Variants in TTLL11 observed in about 807,000 individuals in gnomAD.
TTLL11 encodes the protein tubulin tyrosine ligase like 11.
Under a neutral mutation model 51.7 loss-of-function variants are expected in TTLL11, and 42 were observed. The observed-to-expected ratio is 0.81, with a 90% CI of 0.64 to 1.05. The LOEUF is 1.05. Ranked by LOEUF, TTLL11 falls within the 50% of genes least tolerant of loss-of-function variation. The pLI, the probability that TTLL11 is intolerant of heterozygous loss-of-function variation, is 0.00. For missense variants in TTLL11, 799 were observed against 940.4 expected (o/e 0.85, Z 1.97); for synonymous variants, 381 against 383.5 (o/e 0.99, Z 0.08).
chr9:122,050,544 C>T (rs1845130866), intron 1 of TTLL11, among the ~76,000 whole-genome samples: 1 of 152,132 alleles, frequency 6.6e-6, no homozygotes. Context: ...TTTCTATCCT[C>T]TCCCCTACCT....
intron 8 of TTLL11, among the ~76,000 whole-genome samples, chr9:121,858,000 TCACAGAGCAAA>T (rs1286859473): frequency 3.3e-5 from 5 of 152,156 alleles, no homozygotes; most frequent in African/African-American, 1.2e-4. Context: ...CACATTCAGC[TCACAGAGCAAA>T]CACTTCTTTG....
Position 121,870,662 on chromosome 9 carries a change from G to A in TTLL11, c.1568C>T (p.Pro523Leu), listed in dbSNP as rs1461009364. 6.4e-7 allele frequency: 1 copy of A among 1,551,718 alleles called. No homozygotes were observed. The highest frequency in any genetic ancestry group is 2.4e-5 in the East Asian group (1 of 40,922). Reference protein sequence around the residue: ...LTSAPDCNANPEAHLPSICLK... With the variant: ...LTSAPDCNANLEAHLPSICLK... The stretch of plus-strand genomic sequence containing the variant: ...GCAAATGGAAGGCAGGTGGGCTTCG[G>A]GGTTGGCGTTGCAGTCTGGAGCACT... The change falls in exon 7 of 9, where the codon CCC (proline) becomes CTC (leucine). Residue 523 changes from proline to leucine, a missense_variant. By Grantham distance (98) the Pro-to-Leu change is moderately conservative (BLOSUM62 -3). Around this residue, in one of 3 missense-constraint regions of TTLL11, gnomAD observed 468 missense variants for 612.8 expected, o/e 0.76. Coordinates refer to ENST00000321582, the MANE Select transcript of TTLL11 (RefSeq NM_001139442.2).
chr9:121,966,886 T>C (rs1169859788), intron 6 of TTLL11, among the ~76,000 whole-genome samples: 2 of 152,180 alleles, frequency 1.3e-5, no homozygotes, highest in Non-Finnish European at 2.9e-5. Context: ...CAACAGCTGG[T>C]GACTTATTTG....
In TTLL11 at chr9:121,854,086, T is replaced by C. The variant is rs527341674; in HGVS notation, c.1840+6251A>G. Among the ~76,000 whole-genome samples, 15 of 152,236 alleles carry C rather than the reference T, an allele frequency of 9.9e-5. No homozygotes were observed. In the East Asian group the frequency reaches 2.9e-3, roughly 29 times the overall value. The stretch of plus-strand genomic sequence containing the variant: ...ATTATTATCTCCACTTTACACCTGA[T>C]GAACTTGAGGCTTGGAGGAAGTTGC... On this transcript the variant is annotated intron_variant, in intron 8 of 8. Coordinates refer to ENST00000321582, the MANE Select transcript of TTLL11 (RefSeq NM_001139442.2).
At chr9:121,846,125 G>A (rs981639388) in intron 8 of TTLL11, among the ~76,000 whole-genome samples, 2 of 152,086 alleles carry the variant, frequency 1.3e-5, no homozygotes, top group African/African-American at 4.8e-5. Flanking sequence ...CTAAAAGAAA[G>A]TTACAGTAGC....
intron 3 of TTLL11, among the ~76,000 whole-genome samples, chr9:122,026,538 T>G (rs887480880): frequency 1.3e-5 from 2 of 152,084 alleles, no homozygotes; most frequent in Non-Finnish European, 2.9e-5. Context: ...ATTGTGGTGA[T>G]GATTTCACGG....
At chr9:121,949,043 A>C (rs1841769938) in intron 6 of TTLL11, among the ~76,000 whole-genome samples, 1 of 151,982 alleles carries the variant, frequency 6.6e-6, no homozygotes, top group Non-Finnish European at 1.5e-5. Context: ...CTCTCACACA[A>C]TGTTTGTGTC....
chr9:121,945,475 C>T (rs1564319196), intron 6 of TTLL11, among the ~76,000 whole-genome samples: 1 of 152,212 alleles, frequency 6.6e-6, no homozygotes, highest in Non-Finnish European at 1.5e-5. Flanking sequence ...GATGCTCTTA[C>T]CCACCCACTG....
intron 2 of TTLL11, among the ~76,000 whole-genome samples, chr9:122,032,206 T>C (rs1376478611): frequency 6.6e-6 from 1 of 152,198 alleles, no homozygotes; most frequent in Non-Finnish European, 1.5e-5. Context: ...ATACCTTCTT[T>C]AATTTGGGGC....
At chr9:121,910,400 G>C (rs1026468592) in intron 6 of TTLL11, among the ~76,000 whole-genome samples, 1 of 152,162 alleles carries the variant, frequency 6.6e-6, no homozygotes, top group Admixed American at 6.5e-5. Flanking sequence ...ACTGTTCTTC[G>C]TAACAGCTCT....
rs1837407451 is a variant in TTLL11 at position 121,843,077 on chromosome 9, CT to C, written c.1840+17259del. On this transcript the variant is annotated intron_variant, in intron 8 of 8. Coordinates refer to ENST00000321582, the MANE Select transcript of TTLL11 (RefSeq NM_001139442.2). ...CCTGGCTGGGCACAGTGACATATAC[CT>C]GTAATCCCAGCACTATGGGGGCCGA... Among the ~76,000 whole-genome samples, 3 of 152,000 alleles carry C rather than the reference CT, an allele frequency of 2.0e-5. No individual in the cohort carries two copies. The South Asian group carries it at 6.2e-4, about 32-fold the overall frequency.
Position 121,945,710 on chromosome 9 carries a change from A to G in TTLL11, c.1481+28299T>C, listed in dbSNP as rs567520225. Among the ~76,000 whole-genome samples the G allele has an allele frequency of 2.2e-4, 34 of 152,336 alleles. 1 individual carries two copies. In the South Asian group the frequency reaches 5.8e-3, roughly 26 times the overall value. ...TCTACATTTAATGATTCCATTCAGG[A>G]CAGTATTGGAGAGAAAATTTATTTT... On this transcript the variant is annotated intron_variant, in intron 6 of 8. Transcript: ENST00000321582.
chr9:122,023,144 G>C (rs1275054631), intron 3 of TTLL11, among the ~76,000 whole-genome samples: 1 of 151,992 alleles, frequency 6.6e-6, no homozygotes. Flanking sequence ...TAAAGGTAAA[G>C]GCAGATTACT....
intron 3 of TTLL11, among the ~76,000 whole-genome samples, chr9:122,023,049 A>C (rs1035557859): frequency 2.8e-4 from 42 of 152,096 alleles, no homozygotes; most frequent in Admixed American, 1.4e-3. Flanking sequence ...ATAAAACTGA[A>C]AACTTCTAAA....
At chr9:121,968,724 T>A (rs865942289) in intron 6 of TTLL11, among the ~76,000 whole-genome samples, 1 of 149,656 alleles carries the variant, frequency 6.7e-6, no homozygotes. Flanking sequence ...GCCTGGCTAA[T>A]TTTTTTTTGT....
intron 6 of TTLL11, among the ~76,000 whole-genome samples, chr9:121,892,307 T>G (rs912150496): frequency 6.6e-6 from 1 of 151,874 alleles, no homozygotes; most frequent in African/African-American, 2.4e-5. Flanking sequence ...TTTGCATGCT[T>G]CTGATAAAGG....
At position 121,891,972 on chromosome 9, in the gene TTLL11, T is replaced by C. The variant is rs115368755; in HGVS notation, c.1482-21224A>G. 5.4e-3 allele frequency among the ~76,000 whole-genome samples: 782 copies of C among 144,832 alleles called. 4 individuals are homozygous for C. Among genetic ancestry groups the C allele is most frequent in the African/African-American group, 0.018 (731 of 40,308 alleles). On this transcript the variant is annotated intron_variant, in intron 6 of 8. Transcript: ENST00000321582. ...ACATATATATGAGATATATATATCT[T>C]ATATATCTCATATATATGAGATAAT... is the stretch of plus-strand genomic sequence containing the variant.
At chr9:121,976,779 C>G (rs2131664223) in intron 4 of TTLL11, among the ~76,000 whole-genome samples, 1 of 152,288 alleles carries the variant, frequency 6.6e-6, no homozygotes, top group African/African-American at 2.4e-5. Flanking sequence ...GTCATCCTCA[C>G]TCTATTTTTC....
chr9:122,022,310 A>G (rs10985493), intron 3 of TTLL11, among the ~76,000 whole-genome samples: 6,687 of 152,156 alleles, frequency 0.044, 176 homozygotes, highest in African/African-American at 0.073. Flanking sequence ...TGAGAAATAT[A>G]AAAGAAAATT....
Sources: allele counts gnomAD v4.1 joint callset (sites outside exome capture counted in the v4.1 genomes callset), GRCh38; gene constraint gnomAD v4.1.1; regional missense constraint gnomAD v4.1.1; transcripts MANE v1.5; gene names NCBI Gene and HGNC (gene_info 2026-07-23, HGNC 2026-07-21).